RBFOX1: variants seen among roughly 807,000 people sequenced by gnomAD.
RBFOX1 encodes RNA binding fox-1 homolog 1.
In RBFOX1, 8 loss-of-function variants were observed where a neutral mutation model predicts 57.7. The observed-to-expected ratio is 0.14, with a 90% CI of 0.08 to 0.25. The LOEUF (loss-of-function observed/expected upper bound fraction) is 0.25. Among genes scored for constraint, RBFOX1 ranks in the 10% least tolerant of loss-of-function variants. RBFOX1 has a pLI of 1.00. For synonymous variants in RBFOX1, 326 were observed against 222.4 expected, an observed-to-expected ratio of 1.47 and a Z score of -4.15; for missense variants, 611 against 548.5, an observed-to-expected ratio of 1.11 and a Z score of -1.14.
chr16:7,171,665 GCCAT>G (rs1468782572), intron 4 of RBFOX1, among the ~76,000 whole-genome samples: 1 of 152,178 alleles, frequency 6.6e-6, no homozygotes, highest in Non-Finnish European at 1.5e-5. Flanking sequence ...TGCCAGAAGG[GCCAT>G]TGCAAATGGA....
chr16:7,071,516 G>A (rs1419060056), intron 4 of RBFOX1, among the ~76,000 whole-genome samples: 1 of 151,538 alleles, frequency 6.6e-6, no homozygotes, highest in African/African-American at 2.4e-5. Flanking sequence ...GAATAGATTT[G>A]AAAGCAACTA....
At position 6,348,943 on chromosome 16, in the gene RBFOX1, G is replaced by A. The variant is rs571105877; in HGVS notation, c.-64+31886G>A. On this transcript the variant is annotated intron_variant, in intron 2 of 15. Coordinates refer to ENST00000550418, the MANE Select transcript of RBFOX1 (RefSeq NM_018723.4). ...GCTTTTCTGGGGATAGAGATGGACA[G>A]AGGCAGATTTGCTCATTTTTGGAAG... Among the ~76,000 whole-genome samples the A allele has an allele frequency of 7.2e-5, 11 of 152,304 alleles. No individual in the cohort carries two copies. The South Asian group carries it at 2.3e-3, about 32-fold the overall frequency.
intron 1 of RBFOX1, among the ~76,000 whole-genome samples, chr16:6,098,104 G>A (rs201002242): frequency 9.9e-5 from 15 of 152,234 alleles, no homozygotes; most frequent in South Asian, 2.1e-4. Context: ...AGAAGGGGTC[G>A]GTCACCATTT....
chr16:6,518,611 C>T (rs571894557), intron 2 of RBFOX1, among the ~76,000 whole-genome samples: 9 of 152,160 alleles, frequency 5.9e-5, no homozygotes, highest in Non-Finnish European at 1.0e-4. Context: ...CTTACTGCCT[C>T]CAGCTCTTGG....
chr16:6,035,518 T>A (rs17139204), intron 1 of RBFOX1, among the ~76,000 whole-genome samples: 13 of 126,008 alleles, frequency 1.0e-4, no homozygotes, highest in Non-Finnish European at 1.9e-4. Context: ...AGTAGACTTA[T>A]AAAAAATTAT....
chr16:5,414,986 G>A (rs1435643048), intron 1 of RBFOX1, among the ~76,000 whole-genome samples: 2 of 152,106 alleles, frequency 1.3e-5, no homozygotes, highest in Admixed American at 1.3e-4. Context: ...TAGTTTTTGT[G>A]TGTTTTCCGT....
rs1457395250 is a variant in RBFOX1 at position 7,020,327 on chromosome 16, G to C, written c.-15-31730G>C. Among the ~76,000 whole-genome samples, 10 of 152,068 alleles carry C rather than the reference G, an allele frequency of 6.6e-5. No homozygotes were observed. In the South Asian group the frequency reaches 2.1e-3, roughly 31 times the overall value. ...TGCAACCTCTGTCCGCCAGGTTCAA[G>C]TGATTCTCCTGCCTCAGCCTACGGA... is the stretch of plus-strand genomic sequence containing the variant. On this transcript the variant is annotated intron_variant, in intron 3 of 15. Coordinates refer to ENST00000550418, the MANE Select transcript of RBFOX1 (RefSeq NM_018723.4).
chr16:7,425,181 G>A (rs1342795692), intron 4 of RBFOX1, among the ~76,000 whole-genome samples: 1 of 152,086 alleles, frequency 6.6e-6, no homozygotes, highest in Admixed American at 6.6e-5. Context: ...GTTTTGAAGT[G>A]CATTTTTGCT....
chr16:6,061,195 A>C (rs887789128), intron 1 of RBFOX1, among the ~76,000 whole-genome samples: 1 of 152,172 alleles, frequency 6.6e-6, no homozygotes. Context: ...GGTGGATTCT[A>C]TGAGAAGGAC....
chr16:6,149,341 A>G (rs183900987), intron 1 of RBFOX1, among the ~76,000 whole-genome samples: 3 of 152,344 alleles, frequency 2.0e-5, no homozygotes, highest in Admixed American at 2.0e-4. Context: ...AAGTAACTTA[A>G]TCTTGCCTCC....
chr16:6,880,480 A>C (rs1330989605), intron 3 of RBFOX1, among the ~76,000 whole-genome samples: 2 of 152,206 alleles, frequency 1.3e-5, no homozygotes, highest in Non-Finnish European at 2.9e-5. Context: ...CAAGGTGGAC[A>C]AATGATGCAA....
At chr16:6,600,348 G>T (rs1454196657) in intron 2 of RBFOX1, among the ~76,000 whole-genome samples, 6 of 152,052 alleles carry the variant, frequency 3.9e-5, no homozygotes, top group Admixed American at 6.5e-5. Flanking sequence ...CTACTGTCAG[G>T]AGGCTGCTCT....
At chr16:7,677,660 T>A (rs1296089135) in intron 14 of RBFOX1, among the ~76,000 whole-genome samples, 1 of 152,226 alleles carries the variant, frequency 6.6e-6, no homozygotes, top group Non-Finnish European at 1.5e-5. Context: ...TCCTTGGCTC[T>A]GTTTTCTGAG....
intron 5 of RBFOX1, among the ~76,000 whole-genome samples, chr16:7,561,131 CAG>C (rs2090242177): frequency 6.6e-6 from 1 of 152,172 alleles, no homozygotes; most frequent in Admixed American, 6.5e-5. Flanking sequence ...AGTGTAGACA[CAG>C]AGTATTTGTC....
chr16:7,587,764 C>G (rs747098339), intron 7 of RBFOX1, among the ~76,000 whole-genome samples: 4 of 152,180 alleles, frequency 2.6e-5, no homozygotes, highest in Non-Finnish European at 5.9e-5. Flanking sequence ...TACCGATCCA[C>G]ATTTAGCAAT....
chr16:7,202,638 C>T (rs1417667819), intron 4 of RBFOX1, among the ~76,000 whole-genome samples: 1 of 152,184 alleles, frequency 6.6e-6, no homozygotes, highest in African/African-American at 2.4e-5. Flanking sequence ...AGCACCTGAG[C>T]TCGACCTCCT....
At chr16:6,748,316 T>C (rs765518045) in intron 3 of RBFOX1, among the ~76,000 whole-genome samples, 1 of 152,022 alleles carries the variant, frequency 6.6e-6, no homozygotes, top group Non-Finnish European at 1.5e-5. Context: ...CACACACATA[T>C]ATACGTACAC....
chr16:7,581,825 C>G (rs147816202), intron 6 of RBFOX1, among the ~76,000 whole-genome samples: 1 of 152,116 alleles, frequency 6.6e-6, no homozygotes, highest in African/African-American at 2.4e-5. Context: ...ATCCTCCCAC[C>G]TCAGCCTCCC....
At chr16:7,203,783 C>A (rs1023839747) in intron 4 of RBFOX1, among the ~76,000 whole-genome samples, 5 of 152,156 alleles carry the variant, frequency 3.3e-5, no homozygotes, top group African/African-American at 1.2e-4. Flanking sequence ...CATAACCCAC[C>A]AAGCAAAGGC....
Sources: allele counts gnomAD v4.1 joint callset (sites outside exome capture counted in the v4.1 genomes callset), GRCh38; gene constraint gnomAD v4.1.1; transcripts MANE v1.5; gene names NCBI Gene and HGNC (gene_info 2026-07-23, HGNC 2026-07-21).